SYDE2: variants seen among roughly 807,000 people sequenced by gnomAD.
The protein encoded by SYDE2 is synapse defective Rho GTPase homolog 2, also known as rho GTPase-activating protein SYDE2.
In SYDE2, 76 loss-of-function variants were observed where a neutral mutation model predicts 91.5. That is an observed-to-expected ratio of 0.83 (90% confidence interval 0.69 to 1.01). SYDE2 has a LOEUF of 1.01. SYDE2 is among the 50% of genes least tolerant of loss of function. SYDE2 has a pLI of 0.00. For missense variants in SYDE2, 1,364 were observed against 1,367.7 expected, an observed-to-expected ratio of 1.00 and a Z score of 0.04; for synonymous variants, 513 against 506.4, an observed-to-expected ratio of 1.01 and a Z score of -0.18.
At chr1:85,182,028 T>C (rs1217475770) in intron 3 of SYDE2, 70 bp downstream of exon 3, 2 of 1,414,382 alleles carry the variant, frequency 1.4e-6, no homozygotes, top group Non-Finnish European at 1.9e-6. Flanking sequence ...TTACCTTGAA[T>C]TTCTTCCCCC....
At chr1:85,154,725 A>C (rs1353088085), downstream of SYDE2, among the ~76,000 whole-genome samples, 1 of 151,712 alleles carries the variant, frequency 6.6e-6, no homozygotes, top group Non-Finnish European at 1.5e-5. Flanking sequence ...ACCATATCTC[A>C]CCATCTCTAT....
In SYDE2 at chr1:85,190,290, T is replaced by C. The variant is rs765357248; in HGVS notation, c.1208A>G (p.Asn403Ser). The C allele has an allele frequency of 4.0e-5, 65 of 1,613,804 alleles. No individual in the cohort carries two copies. Among genetic ancestry groups the C allele is most frequent in the Admixed American group, 2.5e-4 (15 of 60,000 alleles). The change falls in exon 2 of 7, where the codon AAT (asparagine) becomes AGT (serine). Residue 403 changes from asparagine (N) to serine (S), a missense_variant. Coordinates refer to ENST00000341460, the MANE Select transcript of SYDE2 (RefSeq NM_032184.2). Reference protein sequence around the residue: ...DSAVLKLPAVNLSMLSGSDLM... With the variant: ...DSAVLKLPAVSLSMLSGSDLM... Reference sequence around the variant, plus strand: ...GTCACTGCCAGACAACATGCTCAAATTGACAGCAGGGAGCTTCAGAACAGC... The same window carrying C: ...GTCACTGCCAGACAACATGCTCAAACTGACAGCAGGGAGCTTCAGAACAGC...
At chr1:85,160,708 T>G (rs958837223) in intron 6 of SYDE2, 2 of 985,330 alleles carry the variant, frequency 2.0e-6, no homozygotes, top group East Asian at 2.3e-4. Flanking sequence ...TTAACTGTCA[T>G]GCCTGTTGTT....
chr1:85,159,250 C>T lies in SYDE2; in HGVS notation c.3086-1G>A, dbSNP rs777101644. Reference sequence around the variant, plus strand: ...GATTTTTTGACAGTTAAACGCTGCACTAGAAACAAACAATAATTTTGCTTT... The same window carrying T: ...GATTTTTTGACAGTTAAACGCTGCATTAGAAACAAACAATAATTTTGCTTT... On this transcript the variant is annotated splice_acceptor_variant, in intron 6 of 6. Coordinates refer to ENST00000341460, the MANE Select transcript of SYDE2 (RefSeq NM_032184.2). LOFTEE classifies it high-confidence loss of function. The T allele has an allele frequency of 5.1e-6, 4 of 776,928 alleles. No homozygotes were observed. The South Asian group carries it at 5.4e-5, about 11-fold the overall frequency. 48.1% of individuals were successfully genotyped at this position (776,928 alleles called of 1,614,324 possible).
rs1254842396 is a variant in SYDE2 at position 85,164,556 on chromosome 1, C to T, written c.3055G>A (p.Val1019Ile). ...CAGAGTTGGAGTAAGTAATGAAGAACTTCAATGTGTTTTTTAAAATCCAAA... is the reference window on the plus strand; with the variant it reads ...CAGAGTTGGAGTAAGTAATGAAGAATTTCAATGTGTTTTTTAAAATCCAAA... ...SALDFKKHIEVLHYLLQLWPV... is the reference protein window; with the variant it reads ...SALDFKKHIEILHYLLQLWPV... The change falls in exon 6 of 7, where the codon GTT (valine) becomes ATT (isoleucine). Residue 1019 changes from valine to isoleucine, a missense_variant. Physicochemically the swap from Val to Ile is conservative, Grantham distance 29. Transcript: ENST00000341460. 2.5e-6 allele frequency: 4 copies of T among 1,603,170 alleles called. No individual in the cohort carries two copies.
At chr1:85,175,642 ATTTCAT>A (rs1382444017) in intron 4 of SYDE2, among the ~76,000 whole-genome samples, 2 of 152,204 alleles carry the variant, frequency 1.3e-5, no homozygotes, top group African/African-American at 4.8e-5. Flanking sequence ...TCTGTCACTC[ATTTCAT>A]TAATTTCTCA....
chr1:85,183,898 T>C (rs920517269), intron 2 of SYDE2, among the ~76,000 whole-genome samples: 1 of 152,154 alleles, frequency 6.6e-6, no homozygotes, highest in African/African-American at 2.4e-5. Flanking sequence ...TCTTTTTACA[T>C]ACTGTAAGTA....
intron 3 of SYDE2, chr1:85,181,467 T>C (rs1657917850): frequency 6.6e-6 from 1 of 152,098 alleles, no homozygotes; most frequent in Non-Finnish European, 1.5e-5. Context: ...TCTATTTTTA[T>C]AGATACAAGC....
chr1:85,191,221 C>G (rs78449667), intron 1 of SYDE2, among the ~76,000 whole-genome samples: 2 of 152,250 alleles, frequency 1.3e-5, no homozygotes, highest in East Asian at 3.9e-4. Flanking sequence ...CTATGCCTTA[C>G]TAATATTAAA....
At chr1:85,199,640 G>A (rs1658731154) in intron 1 of SYDE2, among the ~76,000 whole-genome samples, 1 of 152,032 alleles carries the variant, frequency 6.6e-6, no homozygotes, top group African/African-American at 2.4e-5. Flanking sequence ...TTGTCGGGGG[G>A]AGGCAGGTGG....
chr1:85,166,352 A>T (rs1320128995), intron 5 of SYDE2, among the ~76,000 whole-genome samples: 53 of 144,340 alleles, frequency 3.7e-4, no homozygotes, highest in African/African-American at 7.3e-4. Flanking sequence ...AAAAAAAAAA[A>T]TTTTTTTTTT....
intron 4 of SYDE2, among the ~76,000 whole-genome samples, chr1:85,173,561 T>G (rs1259515866): frequency 6.6e-6 from 1 of 152,158 alleles, no homozygotes; most frequent in African/African-American, 2.4e-5. Flanking sequence ...AAGAAGAGCC[T>G]TATTTAAAAG....
intron 1 of SYDE2, among the ~76,000 whole-genome samples, chr1:85,196,131 T>C (rs1658575990): frequency 1.3e-5 from 2 of 152,206 alleles, no homozygotes; most frequent in Admixed American, 6.5e-5. Context: ...AAGTAGTAAG[T>C]ATATTAATTC....
At position 85,159,239 on chromosome 1, in the gene SYDE2, T is replaced by G. The variant is rs747682036; in HGVS notation, c.3096A>C (p.Leu1032Phe). 5 of 780,024 alleles carry G rather than the reference T, an allele frequency of 6.4e-6. No homozygotes were observed. The East Asian group carries it at 9.7e-5, about 15-fold the overall frequency. 48.3% of individuals were successfully genotyped at this position (780,024 alleles called of 1,614,324 possible). Residue 1032 changes from leucine to phenylalanine, a missense_variant, in exon 7 of 7, where the codon TTA becomes TTC. Leu to Phe is a conservative substitution (Grantham distance 22). Transcript: ENST00000341460. ...YLLQLWPVQR[L>F]TVKKSTDNLF... Reference sequence around the variant, plus strand: ...AATTGTCTGTTGATTTTTTGACAGTTAAACGCTGCACTAGAAACAAACAAT... The same window carrying G: ...AATTGTCTGTTGATTTTTTGACAGTGAAACGCTGCACTAGAAACAAACAAT...
At chr1:85,171,923 G>T (rs1657519357) in intron 4 of SYDE2, among the ~76,000 whole-genome samples, 1 of 152,008 alleles carries the variant, frequency 6.6e-6, no homozygotes, top group African/African-American at 2.4e-5. Flanking sequence ...AAGAGGGGAG[G>T]GCGGGGGAGA....
At chr1:85,187,440 T>C (rs1244643271) in intron 2 of SYDE2, among the ~76,000 whole-genome samples, 3 of 151,808 alleles carry the variant, frequency 2.0e-5, no homozygotes, top group African/African-American at 7.3e-5. Flanking sequence ...AGTTCAACCA[T>C]TGTGGAAGTC....
downstream of SYDE2, among the ~76,000 whole-genome samples, chr1:85,155,135 G>T (rs1656852896): frequency 1.3e-5 from 2 of 151,370 alleles, no homozygotes; most frequent in African/African-American, 4.8e-5. Context: ...CTAATTTGAT[G>T]AAGCTGATTA....
intron 6 of SYDE2, 144 bp downstream of exon 6, chr1:85,164,382 C>A: frequency 1.9e-6 from 1 of 526,586 alleles, no homozygotes; most frequent in Non-Finnish European, 3.2e-6. Flanking sequence ...TGAAAAAAAT[C>A]TAAAGGGCAG....
chr1:85,191,900 T>C (rs1265245964), intron 1 of SYDE2, among the ~76,000 whole-genome samples: 1 of 152,048 alleles, frequency 6.6e-6, no homozygotes, highest in Non-Finnish European at 1.5e-5. Context: ...GTTTCCAGAG[T>C]TGTAAAGCAG....
Sources: gnomAD v4.1 joint callset for allele counts (sites outside exome capture counted in the v4.1 genomes callset) on GRCh38, gnomAD v4.1.1 for gene constraint, MANE v1.5 for transcripts, NCBI Gene and HGNC (gene_info 2026-07-23, HGNC 2026-07-21) for gene names.